Variants in SNAP29 observed in about 807,000 individuals in gnomAD.
SNAP29 encodes synaptosome associated protein 29, also known as synaptosomal-associated protein 29.
SNAP29 carries 13 observed loss-of-function variants against 27.9 expected under a neutral mutation model. That is an observed-to-expected ratio of 0.47 (90% CI 0.30 to 0.74). The LOEUF is 0.74. Among genes scored for constraint, SNAP29 ranks in the 30% least tolerant of loss-of-function variants. SNAP29 has a pLI of 0.06. For missense variants in SNAP29, 368 were observed against 336.5 expected, an observed-to-expected ratio of 1.09 and a Z score of -0.73; for synonymous variants, 119 against 127.1, an observed-to-expected ratio of 0.94 and a Z score of 0.43.
chr22:20,870,299 CAGAA>C (rs1297594409), intron 1 of SNAP29, 34 bp from the exon 2 acceptor site: 1 of 1,604,904 alleles, frequency 6.2e-7, no homozygotes, highest in Non-Finnish European at 8.5e-7. Context: ...GGGAGAGTCA[CAGAA>C]AGCTATAATG....
At chr22:20,885,828 C>G (rs536271113) in intron 4 of SNAP29, among the ~76,000 whole-genome samples, 1 of 152,326 alleles carries the variant, frequency 6.6e-6, no homozygotes, top group South Asian at 2.1e-4. Context: ...CCGGTCCACT[C>G]TGGTGGGGCA....
chr22:20,874,349 CCACACACACACACACACA>C (rs361854), intron 2 of SNAP29, among the ~76,000 whole-genome samples: 2,111 of 123,548 alleles, frequency 0.017, 29 homozygotes, highest in Admixed American at 0.024. Context: ...CGAAAATTAG[CCACACACACACACACACA>C]CACACACACA....
intron 2 of SNAP29, among the ~76,000 whole-genome samples, chr22:20,874,507 T>A (rs1928692191): frequency 6.7e-6 from 1 of 149,734 alleles, no homozygotes; most frequent in East Asian, 2.0e-4. Context: ...CCAGGGAGGT[T>A]GAGCCTACAA....
At chr22:20,871,954 T>C (rs931379934) in intron 2 of SNAP29, among the ~76,000 whole-genome samples, 4 of 152,194 alleles carry the variant, frequency 2.6e-5, no homozygotes, top group Admixed American at 2.6e-4. Context: ...ATGGAGTTTC[T>C]GCTGAAGTAG....
At chr22:20,873,659 C>T (rs984535062) in intron 2 of SNAP29, among the ~76,000 whole-genome samples, 7 of 151,590 alleles carry the variant, frequency 4.6e-5, no homozygotes, top group Non-Finnish European at 7.4e-5. Flanking sequence ...GACAAAACCC[C>T]GTCTCTACAG....
In SNAP29 at chr22:20,868,586, T is replaced by A. The variant is rs2147863077; in HGVS notation, c.238-1751T>A. ...GGATGTTTAAAATTTTTTTTGACTT[T>A]GTTTTTAGGCATCAAGAGAGAATAT... On this transcript the variant is annotated intron_variant, in intron 1 of 4. Transcript: ENST00000215730. Among the ~76,000 whole-genome samples the A allele has an allele frequency of 2.0e-5, 3 of 151,480 alleles. 1 individual carries two copies. In the Admixed American group the frequency reaches 2.0e-4, roughly 10 times the overall value.
chr22:20,874,179 AAATGT>A (rs1569117866), intron 2 of SNAP29, among the ~76,000 whole-genome samples: 13 of 147,584 alleles, frequency 8.8e-5, no homozygotes, highest in Admixed American at 1.4e-4. Context: ...GGAGGGTGAG[AAATGT>A]GTATGGCGTG....
At chr22:20,886,111 T>C (rs178076) in intron 4 of SNAP29, among the ~76,000 whole-genome samples, 13,500 of 69,700 alleles carry the variant, frequency 0.19, 654 homozygotes, top group East Asian at 0.34. Context: ...TGAAGACTTA[T>C]CTTTTTTTTT....
intron 1 of SNAP29, among the ~76,000 whole-genome samples, chr22:20,868,713 G>A (rs2147863158): frequency 6.6e-6 from 1 of 152,342 alleles, no homozygotes; most frequent in South Asian, 2.1e-4. Context: ...GCCTGACAGA[G>A]CAGGAAAAAT....
At chr22:20,877,730 A>G (rs1048356418) in intron 2 of SNAP29, among the ~76,000 whole-genome samples, 2 of 152,118 alleles carry the variant, frequency 1.3e-5, no homozygotes, top group African/African-American at 4.8e-5. Context: ...AAAGAAAAAG[A>G]AAAAAATTGG....
intron 2 of SNAP29, among the ~76,000 whole-genome samples, chr22:20,878,639 T>G (rs1005606133): frequency 1.3e-5 from 2 of 150,452 alleles, no homozygotes; most frequent in African/African-American, 4.9e-5. Flanking sequence ...GGGTGGGAGA[T>G]CAAGAGGGCG....
Position 20,870,448 on chromosome 22 carries a change from G to A in SNAP29, c.349G>A (p.Gly117Arg), listed in dbSNP as rs939568675. The A allele has an allele frequency of 1.9e-6, 3 of 1,614,010 alleles. No homozygotes were observed. The highest frequency in any genetic ancestry group is 2.7e-5 in the African/African-American group (2 of 74,912). ...CATCAATAGCATTAAGAGCGTGTTT[G>A]GGGGGCTGGTCAATTACTTCAAATC... ...KHINSIKSVF[G>R]GLVNYFKSKP... The change falls in exon 2 of 5, where the codon GGG becomes AGG. Residue 117 changes from glycine to arginine, a missense_variant. Gly to Arg is a moderately radical substitution (Grantham distance 125). Transcript: ENST00000215730.
intron 2 of SNAP29, among the ~76,000 whole-genome samples, chr22:20,876,996 A>G (rs1478724233): frequency 6.6e-6 from 1 of 152,028 alleles, no homozygotes; most frequent in African/African-American, 2.4e-5. Context: ...ATTTCCACTT[A>G]CAGCTCATGC....
intron 4 of SNAP29, among the ~76,000 whole-genome samples, chr22:20,885,758 G>A (rs1569121302): frequency 6.6e-6 from 1 of 152,222 alleles, no homozygotes; most frequent in African/African-American, 2.4e-5. Flanking sequence ...GTGGGCCTGG[G>A]CAGAAGGGCG....
intron 4 of SNAP29, 138 bp from the exon 5 acceptor site, chr22:20,887,541 A>T (rs1929047048): frequency 2.3e-6 from 2 of 881,074 alleles, no homozygotes. Flanking sequence ...AATTAAGTCA[A>T]GACTCATCTC....
chr22:20,887,784 A>G lies in SNAP29; in HGVS notation c.725A>G (p.Asp242Gly). ...DILDRLTTKV[D>G]KLDVNIKSTE... ...CTTGACCGGCTGACAACCAAAGTGG[A>G]CAAGTTAGATGTCAACATAAAAAGC... is the stretch of plus-strand genomic sequence containing the variant. Residue 242 changes from aspartate to glycine, a missense_variant, in exon 5 of 5, where the codon GAC becomes GGC. By Grantham distance (94) the Asp-to-Gly change is moderately conservative. Transcript: ENST00000215730. 3 of 1,614,218 alleles carry G rather than the reference A, an allele frequency of 1.9e-6. No homozygotes were observed. The highest frequency in any genetic ancestry group is 1.7e-6 in the Non-Finnish European group (2 of 1,180,024).
intron 2 of SNAP29, 64 bp from the exon 3 acceptor site, chr22:20,880,985 A>G: frequency 9.4e-7 from 1 of 1,062,470 alleles, no homozygotes; most frequent in Non-Finnish European, 1.5e-6. Context: ...GAAAAGACTG[A>G]TAACATTGTC....
At chr22:20,880,622 C>CT (rs1274528780) in intron 2 of SNAP29, among the ~76,000 whole-genome samples, 1 of 152,136 alleles carries the variant, frequency 6.6e-6, no homozygotes, top group African/African-American at 2.4e-5. Flanking sequence ...GTTCCATGTG[C>CT]TTTTCATCTG....
In SNAP29 at chr22:20,861,358, A is replaced by G. The variant is rs568787888; in HGVS notation, c.237+2011A>G. 2.4e-3 allele frequency among the ~76,000 whole-genome samples: 353 copies of G among 149,794 alleles called. 3 individuals are homozygous for G. The highest frequency in any genetic ancestry group is 8.4e-3 in the African/African-American group (342 of 40,554). ...CGATCTCTTGACCTCGTGATCCACC[A>G]CCTCGGCCTCCCAAAGTCCTGGGAT... On this transcript the variant is annotated intron_variant, in intron 1 of 4. Transcript: ENST00000215730.
Sources: allele counts gnomAD v4.1 joint callset (sites outside exome capture counted in the v4.1 genomes callset), GRCh38; gene constraint gnomAD v4.1.1; transcripts MANE v1.5; gene names NCBI Gene and HGNC (gene_info 2026-07-23, HGNC 2026-07-21).